The following TAMM41 variants were observed in gnomAD, a reference collection of about 807,000 sequenced individuals.
TAMM41 encodes the protein TAM41 mitochondrial translocator assembly and maintenance homolog.
In TAMM41, 36 loss-of-function variants were observed where a neutral mutation model predicts 44.1. The observed-to-expected ratio is 0.82, with a 90% CI of 0.63 to 1.08. The LOEUF (loss-of-function observed/expected upper bound fraction) is 1.08. TAMM41 is among the 50% of genes least tolerant of loss of function. The pLI, the probability that TAMM41 is intolerant of heterozygous loss-of-function variation, is 0.00. For missense variants in TAMM41, 417 were observed against 404.3 expected, an observed-to-expected ratio of 1.03 and a Z score of -0.27; for synonymous variants, 164 against 153.1, an observed-to-expected ratio of 1.07 and a Z score of -0.53.
At chr3:11,827,304 C>A (rs891528912) in intron 4 of TAMM41, among the ~76,000 whole-genome samples, 3 of 117,610 alleles carry the variant, frequency 2.6e-5, no homozygotes, top group Non-Finnish European at 4.9e-5. Flanking sequence ...TCTTTCTTTT[C>A]TTTTCTTTTT....
At chr3:11,734,265 C>G in the TAMM41 span, among the ~76,000 whole-genome samples, 1 of 152,118 alleles carries the variant, frequency 6.6e-6, no homozygotes, top group Non-Finnish European at 1.5e-5. Context: ...GATCCTTAAC[C>G]AAAATGGGAA....
At chr3:11,820,969 C>T (rs189610782) in intron 4 of TAMM41, among the ~76,000 whole-genome samples, 33 of 152,318 alleles carry the variant, frequency 2.2e-4, no homozygotes, top group African/African-American at 7.2e-4. Context: ...CACAGTACAG[C>T]GGCAAGGCCC....
At chr3:11,821,121 A>C (rs559419815) in intron 4 of TAMM41, among the ~76,000 whole-genome samples, 1 of 152,182 alleles carries the variant, frequency 6.6e-6, no homozygotes, top group Non-Finnish European at 1.5e-5. Context: ...GCAGTCCCCA[A>C]ACTTTCTGGC....
chr3:11,736,767 G>A, the TAMM41 span, among the ~76,000 whole-genome samples: 1 of 152,180 alleles, frequency 6.6e-6, no homozygotes, highest in Non-Finnish European at 1.5e-5. Flanking sequence ...AGGGTATAGA[G>A]TGAATATTGG....
At chr3:11,830,352 C>T (rs999196881) in intron 3 of TAMM41, among the ~76,000 whole-genome samples, 1 of 152,038 alleles carries the variant, frequency 6.6e-6, no homozygotes, top group African/African-American at 2.4e-5. Context: ...AGAAAACTAG[C>T]TACAGTAGAA....
At chr3:11,725,436 C>CCTCCTCCTT in the TAMM41 span, among the ~76,000 whole-genome samples, 10 of 138,518 alleles carry the variant, frequency 7.2e-5, no homozygotes, top group Admixed American at 1.5e-4. Context: ...TCCTCCTCCT[C>CCTCCTCCTT]CTCCTCCTCC....
the TAMM41 span, among the ~76,000 whole-genome samples, chr3:11,757,978 G>A: frequency 6.6e-6 from 1 of 152,182 alleles, no homozygotes; most frequent in African/African-American, 2.4e-5. Flanking sequence ...ATAAAGGAGA[G>A]TTACAGAGAG....
chr3:11,808,161 G>A (rs1040618406), intron 6 of TAMM41: 8 of 960,014 alleles, frequency 8.3e-6, no homozygotes, highest in Non-Finnish European at 8.3e-6. Flanking sequence ...TTAAAACAAG[G>A]GGATGGGTTA....
At chr3:11,793,495 C>T (rs1575600622) in intron 7 of TAMM41, among the ~76,000 whole-genome samples, 2 of 152,172 alleles carry the variant, frequency 1.3e-5, no homozygotes, top group Non-Finnish European at 2.9e-5. Context: ...TCAGTACATA[C>T]CTGACAGGAA....
chr3:11,808,490 C>T, intron 6 of TAMM41: 11 of 985,880 alleles, frequency 1.1e-5, no homozygotes, highest in Non-Finnish European at 1.1e-5. Flanking sequence ...GGGCGTGGAG[C>T]GCCTGCTGCA....
the TAMM41 span, among the ~76,000 whole-genome samples, chr3:11,731,476 C>T: frequency 2.2e-3 from 327 of 152,028 alleles, 9 homozygotes; most frequent in East Asian, 0.048. Context: ...GCCTGGGTGA[C>T]GGAGACCCTG....
the TAMM41 span, among the ~76,000 whole-genome samples, chr3:11,747,469 T>A: frequency 6.6e-6 from 1 of 152,132 alleles, no homozygotes; most frequent in Non-Finnish European, 1.5e-5. Context: ...TTAAAATATA[T>A]CTAAATTATA....
chr3:11,812,605 G>T (rs1170107196), intron 5 of TAMM41, among the ~76,000 whole-genome samples: 1 of 152,138 alleles, frequency 6.6e-6, no homozygotes, highest in Non-Finnish European at 1.5e-5. Context: ...TTCTACCAGA[G>T]GACATAGTAA....
the TAMM41 span, among the ~76,000 whole-genome samples, chr3:11,753,632 G>A: frequency 6.6e-6 from 1 of 152,068 alleles, no homozygotes; most frequent in Admixed American, 6.6e-5. Context: ...AGCTACTCGG[G>A]AGGCTGAGAC....
At chr3:11,790,721 T>C (rs1014843246) in intron 7 of TAMM41, 140 bp from the exon 8 acceptor site, 8 of 691,030 alleles carry the variant, frequency 1.2e-5, no homozygotes, top group African/African-American at 1.8e-5. Flanking sequence ...ACCAGGGAGC[T>C]GAAGGTGATT....
the TAMM41 span, among the ~76,000 whole-genome samples, chr3:11,766,234 G>A: frequency 6.6e-6 from 1 of 151,802 alleles, no homozygotes; most frequent in East Asian, 1.9e-4. Context: ...TGAGGACCAC[G>A]GCTCACTACA....
chr3:11,808,059 ATTGAGGGC>A, intron 6 of TAMM41, 164 bp from the exon 7 acceptor site: 1 of 1,345,876 alleles, frequency 7.4e-7, no homozygotes, highest in East Asian at 2.5e-5. Flanking sequence ...GGGCAGTGGG[ATTGAGGGC>A]CAGGAGACCA....
At chr3:11,742,548 C>T in the TAMM41 span, among the ~76,000 whole-genome samples, 1 of 149,410 alleles carries the variant, frequency 6.7e-6, no homozygotes, top group Admixed American at 6.6e-5. Flanking sequence ...CTGCTATGAA[C>T]ATTTGTGTAT....
At chr3:11,772,262 T>C in the TAMM41 span, among the ~76,000 whole-genome samples, 1 of 151,076 alleles carries the variant, frequency 6.6e-6, no homozygotes, top group Non-Finnish European at 1.5e-5. Flanking sequence ...TTTGTAGTTT[T>C]AGTAGAGACG....
Sources: allele counts gnomAD v4.1 joint callset (sites outside exome capture counted in the v4.1 genomes callset), GRCh38; gene constraint gnomAD v4.1.1; transcripts MANE v1.5; gene names NCBI Gene and HGNC (gene_info 2026-07-23, HGNC 2026-07-21).